EPB41L4A: variants seen among roughly 807,000 people sequenced by gnomAD.
EPB41L4A encodes the protein band 4.1-like protein 4A.
EPB41L4A carries 100 observed loss-of-function variants against 108.6 expected under a neutral mutation model. The ratio of observed to expected loss-of-function variants is 0.92; its 90% CI spans 0.78 to 1.09. The LOEUF is 1.09. EPB41L4A is among the 50% of genes least tolerant of loss of function. EPB41L4A has a pLI of 0.00. For synonymous variants in EPB41L4A, 319 were observed against 289.0 expected (o/e 1.10, Z -1.05); for missense variants, 1,030 against 842.7 (o/e 1.22, Z -2.75).
chr5:112,355,112 A>T (rs1758285681), intron 1 of EPB41L4A, among the ~76,000 whole-genome samples: 1 of 152,214 alleles, frequency 6.6e-6, no homozygotes, highest in South Asian at 2.1e-4. Context: ...TAAAGACATG[A>T]ACACAGATTT....
intron 1 of EPB41L4A, among the ~76,000 whole-genome samples, chr5:112,331,738 G>C (rs1402476390): frequency 6.6e-6 from 1 of 152,204 alleles, no homozygotes; most frequent in African/African-American, 2.4e-5. Context: ...GAGTTGGGAG[G>C]CAAGGGCCCT....
At chr5:112,332,686 C>G (rs1281061903) in intron 1 of EPB41L4A, among the ~76,000 whole-genome samples, 1 of 152,102 alleles carries the variant, frequency 6.6e-6, no homozygotes, top group South Asian at 2.1e-4. Context: ...TTTAGTCCCC[C>G]CTGCTAATTC....
chr5:112,175,734 GTGTA>G (rs1396579516), intron 18 of EPB41L4A, among the ~76,000 whole-genome samples: 2 of 129,584 alleles, frequency 1.5e-5, no homozygotes, highest in African/African-American at 5.5e-5. Context: ...GTGTGTGTGT[GTGTA>G]TATGTATATA....
At chr5:112,272,038 T>G (rs900758177) in intron 4 of EPB41L4A, among the ~76,000 whole-genome samples, 1 of 152,132 alleles carries the variant, frequency 6.6e-6, no homozygotes, top group Non-Finnish European at 1.5e-5. Flanking sequence ...TCACATTCAT[T>G]CCAGGTATTT....
At position 112,405,011 on chromosome 5, in the gene EPB41L4A, T is replaced by A. The variant is rs60483179; in HGVS notation, c.99+13930A>T. 3.9e-3 allele frequency among the ~76,000 whole-genome samples: 598 copies of A among 152,340 alleles called. 2 individuals carry two copies. Among genetic ancestry groups the A allele is most frequent in the African/African-American group, 0.014 (576 of 41,582 alleles). On this transcript the variant is annotated intron_variant, in intron 1 of 22. Coordinates refer to ENST00000261486, the MANE Select transcript of EPB41L4A (RefSeq NM_022140.5). ...AGGACTATGCAGTCTGTCTTCCAGA[T>A]GGCTTCAAGGGAGCCCTTGTTTTCA... is the stretch of plus-strand genomic sequence containing the variant.
intron 2 of EPB41L4A, among the ~76,000 whole-genome samples, chr5:112,292,140 G>C (rs1753682736): frequency 6.6e-6 from 1 of 152,122 alleles, no homozygotes; most frequent in African/African-American, 2.4e-5. Context: ...AACTCCTTGA[G>C]ACCAGAGACC....
In EPB41L4A at chr5:112,165,035, T is replaced by G; in HGVS notation, c.2016A>C (p.Lys672Asn). The stretch of plus-strand genomic sequence containing the variant: ...GGGAAGCTTGTATAGTTTTTATTGT[T>G]TTTGCTGTGTGTTTTCCAGCCAGGT... ...TNNLAGKHTA[K>N]TIKTIQASRL... is the part of the protein sequence containing the mutation. Residue 672 changes from lysine (K) to asparagine (N), a missense_variant, in exon 23 of 23, where the codon AAA (lysine) becomes AAC (asparagine). By Grantham distance (94) the Lys-to-Asn change is moderately conservative. Coordinates refer to ENST00000261486, the MANE Select transcript of EPB41L4A (RefSeq NM_022140.5). The G allele has an allele frequency of 6.2e-7, 1 of 1,614,052 alleles. No homozygotes were observed. Among genetic ancestry groups the G allele is most frequent in the Non-Finnish European group, 8.5e-7 (1 of 1,179,994 alleles).
intron 1 of EPB41L4A, among the ~76,000 whole-genome samples, chr5:112,328,024 A>G (rs1323501395): frequency 6.6e-6 from 1 of 152,078 alleles, no homozygotes; most frequent in African/African-American, 2.4e-5. Flanking sequence ...ATATTGGGGG[A>G]GAAGGCCGGA....
chr5:112,218,317 C>T (rs1163898186), intron 12 of EPB41L4A, among the ~76,000 whole-genome samples: 3 of 152,188 alleles, frequency 2.0e-5, no homozygotes, highest in African/African-American at 7.2e-5. Flanking sequence ...AAGATAACAC[C>T]TATCTATGAA....
chr5:112,337,582 T>G (rs1420561028), intron 1 of EPB41L4A, among the ~76,000 whole-genome samples: 2 of 152,128 alleles, frequency 1.3e-5, no homozygotes, highest in Non-Finnish European at 2.9e-5. Flanking sequence ...GTGATTGACC[T>G]AAGGTCACAC....
downstream of EPB41L4A, chr5:112,161,230 G>A (rs992877421): frequency 7.0e-6 from 2 of 285,542 alleles, no homozygotes; most frequent in Non-Finnish European, 1.4e-5. Context: ...TAACTTAAAA[G>A]CAGCGTGCCT....
At chr5:112,152,688 A>G (rs1759512674) in intron 12 of EPB41L4A, among the ~76,000 whole-genome samples, 1 of 152,214 alleles carries the variant, frequency 6.6e-6, no homozygotes, top group Non-Finnish European at 1.5e-5. Flanking sequence ...GCAGGAATGG[A>G]CTAAGATGAC....
chr5:112,341,099 A>G (rs1757286677), intron 1 of EPB41L4A, among the ~76,000 whole-genome samples: 1 of 151,874 alleles, frequency 6.6e-6, no homozygotes, highest in South Asian at 2.1e-4. Flanking sequence ...GTTTTTCTTT[A>G]CGTTTATTGT....
chr5:112,142,157 T>C (rs1414213900), downstream of EPB41L4A, among the ~76,000 whole-genome samples: 1 of 152,204 alleles, frequency 6.6e-6, no homozygotes. Context: ...CCTTATACAC[T>C]AGGTTCTAAG....
intron 1 of EPB41L4A, among the ~76,000 whole-genome samples, chr5:112,308,694 T>A (rs1413617766): frequency 6.6e-6 from 1 of 152,232 alleles, no homozygotes; most frequent in African/African-American, 2.4e-5. Flanking sequence ...CCTGTAAATG[T>A]CTCTGTGCTC....
intron 2 of EPB41L4A, among the ~76,000 whole-genome samples, chr5:112,302,212 A>T (rs1190426970): frequency 6.6e-6 from 1 of 152,140 alleles, no homozygotes; most frequent in Non-Finnish European, 1.5e-5. Flanking sequence ...TGGTTTTTTA[A>T]AAAAATTCAT....
At chr5:112,419,920 G>C, upstream of EPB41L4A, 1 of 456,418 alleles carries the variant, frequency 2.2e-6, no homozygotes, top group Middle Eastern at 3.3e-4. Context: ...TCAGCAAAGC[G>C]GGGAGGCGGG....
chr5:112,182,750 G>C (rs1761220328), intron 18 of EPB41L4A, among the ~76,000 whole-genome samples: 1 of 152,032 alleles, frequency 6.6e-6, no homozygotes, highest in Non-Finnish European at 1.5e-5. Flanking sequence ...TTTGGGTAAA[G>C]TCCTTCAGTG....
intron 17 of EPB41L4A, among the ~76,000 whole-genome samples, chr5:112,189,014 TG>T (rs1408800511): frequency 6.6e-6 from 1 of 152,238 alleles, no homozygotes; most frequent in Non-Finnish European, 1.5e-5. Context: ...AAAGACCTTA[TG>T]GAACATAATT....
Sources: allele counts gnomAD v4.1 joint callset (sites outside exome capture counted in the v4.1 genomes callset), GRCh38; gene constraint gnomAD v4.1.1; transcripts MANE v1.5; gene names NCBI Gene and HGNC (gene_info 2026-07-23, HGNC 2026-07-21).